Variants in MAP2K3 observed in about 807,000 individuals in gnomAD.
MAP2K3 encodes the protein dual specificity mitogen-activated protein kinase kinase 3.
Under a neutral mutation model 46.4 loss-of-function variants are expected in MAP2K3, and 30 were observed. That is an observed-to-expected ratio of 0.65 (90% confidence interval 0.48 to 0.88). The LOEUF is 0.88. MAP2K3 is among the 40% of genes least tolerant of loss of function. MAP2K3 has a pLI of 0.00. For missense variants in MAP2K3, 380 were observed against 464.5 expected (o/e 0.82, Z 1.67); for synonymous variants, 189 against 176.3 (o/e 1.07, Z -0.57).
chr17:21,285,007 G>T, intron 1 of MAP2K3, 38 bp downstream of exon 1: 1 of 1,594,126 alleles, frequency 6.3e-7, no homozygotes, highest in Non-Finnish European at 8.5e-7. Flanking sequence ...CTGACCCCGC[G>T]CCTAATCTGG....
chr17:21,298,565 C>T, intron 2 of MAP2K3, 86 bp downstream of exon 2: 1 of 1,606,746 alleles, frequency 6.2e-7, no homozygotes, highest in South Asian at 1.1e-5. Flanking sequence ...GCAGGTGGGG[C>T]CAGCCCTGCT....
At chr17:21,305,488 CAGA>C (rs1424677736) in intron 9 of MAP2K3, among the ~76,000 whole-genome samples, 2 of 152,374 alleles carry the variant, frequency 1.3e-5, no homozygotes, top group South Asian at 2.1e-4. Context: ...TATTTCATAG[CAGA>C]AGGTTTGTTG....
At chr17:21,286,275 G>C (rs1435459824) in intron 1 of MAP2K3, among the ~76,000 whole-genome samples, 1 of 152,230 alleles carries the variant, frequency 6.6e-6, no homozygotes, top group Non-Finnish European at 1.5e-5. Flanking sequence ...TCCACTGCTG[G>C]AAGTGCAGCC....
intron 1 of MAP2K3, among the ~76,000 whole-genome samples, chr17:21,293,051 AC>A: frequency 6.6e-6 from 1 of 152,426 alleles, no homozygotes; most frequent in African/African-American, 2.4e-5. Flanking sequence ...CGCAGAGGAC[AC>A]CCCAGGACAC....
At chr17:21,309,644 C>T (rs76044378) in intron 9 of MAP2K3, among the ~76,000 whole-genome samples, 7 of 152,238 alleles carry the variant, frequency 4.6e-5, no homozygotes, top group Non-Finnish European at 7.4e-5. Flanking sequence ...AACAGAGCCT[C>T]GCTCTGTCAC....
At chr17:21,300,322 C>G in intron 3 of MAP2K3, 2 of 601,468 alleles carry the variant, frequency 3.3e-6, no homozygotes, top group East Asian at 2.8e-5. Context: ...TCCATAGCAG[C>G]CTTGGGGTGT....
chr17:21,293,558 C>T (rs1050900862), intron 1 of MAP2K3, among the ~76,000 whole-genome samples: 7 of 152,312 alleles, frequency 4.6e-5, no homozygotes, highest in Non-Finnish European at 5.9e-5. Flanking sequence ...GGGGCGCTGC[C>T]AGGTGGATAG....
chr17:21,298,832 AG>A, intron 2 of MAP2K3, 45 bp from the exon 3 acceptor site: 1 of 1,613,956 alleles, frequency 6.2e-7, no homozygotes, highest in Non-Finnish European at 8.5e-7. Flanking sequence ...CACTTGGGGA[AG>A]GGTGTGGTTC....
intron 1 of MAP2K3, among the ~76,000 whole-genome samples, chr17:21,286,456 C>T (rs575882357): frequency 2.0e-5 from 3 of 152,314 alleles, no homozygotes; most frequent in South Asian, 4.1e-4. Flanking sequence ...TGGCTGGAGC[C>T]GGGTGGGCTG....
chr17:21,300,753 C>T, intron 4 of MAP2K3, 95 bp downstream of exon 4: 4 of 1,605,972 alleles, frequency 2.5e-6, no homozygotes, highest in South Asian at 1.1e-5. Context: ...GTGATCAGTA[C>T]CGAGGCTAGG....
chr17:21,298,775 G>C, intron 2 of MAP2K3, 103 bp from the exon 3 acceptor site: 1 of 1,557,322 alleles, frequency 6.4e-7, no homozygotes, highest in Non-Finnish European at 8.8e-7. Flanking sequence ...CGGGGCAGGA[G>C]GCACCTCGTC....
intron 2 of MAP2K3, 101 bp from the exon 3 acceptor site, chr17:21,298,777 C>A: frequency 1.3e-6 from 2 of 1,561,014 alleles, no homozygotes; most frequent in Non-Finnish European, 1.8e-6. Context: ...GGGCAGGAGG[C>A]ACCTCGTCCC....
chr17:21,294,119 T>A (rs1326350313), intron 1 of MAP2K3, among the ~76,000 whole-genome samples: 1 of 152,312 alleles, frequency 6.6e-6, no homozygotes, highest in Non-Finnish European at 1.5e-5. Context: ...GGGGCCTCAG[T>A]TTCCCCCGTG....
chr17:21,291,346 T>TACAACACAAC (rs71160134), intron 1 of MAP2K3: 20,661 of 343,118 alleles, frequency 0.06, 831 homozygotes, highest in South Asian at 0.096. Context: ...TACAATACAA[T>TACAACACAAC]ACAACACAAC....
rs1200655039 is a variant in MAP2K3, at chr17:21,297,541, G to T, written c.50-872G>T. On this transcript the variant is annotated intron_variant, in intron 1 of 11. Coordinates refer to ENST00000342679, the MANE Select transcript of MAP2K3 (RefSeq NM_145109.3). The stretch of plus-strand genomic sequence containing the variant: ...GGTGACCCTGGCATCTCTGATCCTT[G>T]CTTCTCCTGCCTGTGGAATGGCGGC... Among the ~76,000 whole-genome samples the T allele has an allele frequency of 6.6e-5, 10 of 152,426 alleles. No individual in the cohort carries two copies. The East Asian group carries it at 1.5e-3, about 23-fold the overall frequency.
intron 5 of MAP2K3, among the ~76,000 whole-genome samples, chr17:21,301,723 A>G (rs1976611907): frequency 6.6e-6 from 1 of 152,308 alleles, no homozygotes. Context: ...TCAGGAGTTC[A>G]CTGGGGAAGA....
Position 21,314,981 on chromosome 17 carries a change from C to G in MAP2K3, c.*751C>G, listed in dbSNP as rs1215087031. ...CCCCCTAGGGTACCAGCAGGCAGAGCCTTGCCCTCTGCTCAGGCTGGGGTC... is the reference window on the plus strand; with the variant it reads ...CCCCCTAGGGTACCAGCAGGCAGAGGCTTGCCCTCTGCTCAGGCTGGGGTC... On this transcript the variant is annotated 3_prime_UTR_variant, in exon 12 of 12. Coordinates refer to ENST00000342679, the MANE Select transcript of MAP2K3 (RefSeq NM_145109.3). 1 of 152,702 alleles carries G rather than the reference C, an allele frequency of 6.5e-6. No homozygotes were observed. The highest frequency in any genetic ancestry group is 6.5e-5 in the Admixed American group (1 of 15,284). 9.5% of individuals were successfully genotyped at this position (152,702 alleles called of 1,614,324 possible).
At chr17:21,290,429 C>T (rs28517547) in intron 1 of MAP2K3, among the ~76,000 whole-genome samples, 697 of 152,374 alleles carry the variant, frequency 4.6e-3, no homozygotes, top group African/African-American at 0.015. Flanking sequence ...CTGGGGCAGA[C>T]CCCAGGGTGG....
At chr17:21,309,635 A>G (rs1977068580) in intron 9 of MAP2K3, among the ~76,000 whole-genome samples, 1 of 152,050 alleles carries the variant, frequency 6.6e-6, no homozygotes, top group Non-Finnish European at 1.5e-5. Flanking sequence ...TGTTGTTGAA[A>G]CAGAGCCTCG....
Sources: allele counts gnomAD v4.1 joint callset (sites outside exome capture counted in the v4.1 genomes callset), GRCh38; gene constraint gnomAD v4.1.1; transcripts MANE v1.5; gene names NCBI Gene and HGNC (gene_info 2026-07-23, HGNC 2026-07-21).